RSPO3: variants seen among roughly 807,000 people sequenced by gnomAD.
RSPO3 encodes the protein R-spondin 3.
A neutral mutation model predicts 36.5 loss-of-function variants in RSPO3; 17 were observed. The ratio of observed to expected loss-of-function variants is 0.47; its 90% CI spans 0.32 to 0.70. RSPO3 has a LOEUF of 0.70. RSPO3 is among the 30% of genes least tolerant of loss of function. The probability of loss-of-function intolerance (pLI) is 0.04; values close to 1 mark genes in which losing one functional copy is unlikely to be tolerated. For synonymous variants in RSPO3, 108 were observed against 107.0 expected (o/e 1.01, Z -0.06); for missense variants, 294 against 322.5 (o/e 0.91, Z 0.68).
At chr6:127,121,128 G>GAGCC in intron 1 of RSPO3, among the ~76,000 whole-genome samples, 1 of 152,328 alleles carries the variant, frequency 6.6e-6, no homozygotes, top group East Asian at 1.9e-4. Context: ...CCCGGGCTGG[G>GAGCC]AGCCACACAC....
chr6:127,157,494 T>G (rs550899279), intron 4 of RSPO3, among the ~76,000 whole-genome samples: 1 of 152,156 alleles, frequency 6.6e-6, no homozygotes, highest in African/African-American at 2.4e-5. Flanking sequence ...TAGAAAGAGA[T>G]AAAATAAACA....
intron 4 of RSPO3, among the ~76,000 whole-genome samples, chr6:127,170,593 T>C (rs1487478930): frequency 6.6e-6 from 1 of 151,804 alleles, no homozygotes; most frequent in Non-Finnish European, 1.5e-5. Context: ...AGCAGCATTA[T>C]TTACAATAGC....
chr6:127,152,329 A>G (rs1005668270), intron 3 of RSPO3, among the ~76,000 whole-genome samples: 2 of 152,146 alleles, frequency 1.3e-5, no homozygotes, highest in African/African-American at 4.8e-5. Flanking sequence ...TGTTTGCTCA[A>G]TAAGAGATGT....
chr6:127,194,082 G>T (rs968847982), intron 4 of RSPO3, among the ~76,000 whole-genome samples: 2 of 152,122 alleles, frequency 1.3e-5, no homozygotes, highest in Admixed American at 1.3e-4. Context: ...TATAAATACA[G>T]TCTCATGACA....
chr6:127,159,407 G>T (rs1385542696), intron 4 of RSPO3, among the ~76,000 whole-genome samples: 1 of 152,084 alleles, frequency 6.6e-6, no homozygotes, highest in Non-Finnish European at 1.5e-5. Context: ...TGAGGTGGAG[G>T]TCTATCTTCC....
rs73771620 is a variant in RSPO3 at position 127,187,284 on chromosome 6, T to C, written c.635-8539T>C. ...GCTTTAATGGTCTTTGAAATATTAGTGTTAGGACGCCCCACTGACTAAATT... is the reference window on the plus strand; with the variant it reads ...GCTTTAATGGTCTTTGAAATATTAGCGTTAGGACGCCCCACTGACTAAATT... On this transcript the variant is annotated intron_variant, in intron 4 of 4. Coordinates refer to ENST00000356698, the MANE Select transcript of RSPO3 (RefSeq NM_032784.5). Among the ~76,000 whole-genome samples, 827 of 152,246 alleles carry C rather than the reference T, an allele frequency of 5.4e-3. 6 individuals are homozygous for C. The highest frequency in any genetic ancestry group is 0.018 in the African/African-American group (751 of 41,552).
intron 4 of RSPO3, among the ~76,000 whole-genome samples, chr6:127,159,529 A>C (rs1774662768): frequency 6.6e-6 from 1 of 152,058 alleles, no homozygotes; most frequent in Admixed American, 6.6e-5. Context: ...CAAATGTGGG[A>C]ATCATTGTAT....
chr6:127,122,003 T>C (rs1316117027), intron 1 of RSPO3, among the ~76,000 whole-genome samples: 2 of 152,180 alleles, frequency 1.3e-5, no homozygotes, highest in Admixed American at 6.5e-5. Context: ...CTACAAAAAA[T>C]TTAATGGTCT....
chr6:127,137,290 C>T (rs1462018901), intron 1 of RSPO3, among the ~76,000 whole-genome samples: 1 of 152,084 alleles, frequency 6.6e-6, no homozygotes, highest in Non-Finnish European at 1.5e-5. Context: ...ACTTGGGAGG[C>T]TGAGGCAGGC....
intron 1 of RSPO3, among the ~76,000 whole-genome samples, chr6:127,145,805 G>C (rs981306868): frequency 6.6e-6 from 1 of 152,086 alleles, no homozygotes; most frequent in Non-Finnish European, 1.5e-5. Context: ...ATATTGAATG[G>C]GGAATAAAAA....
At chr6:127,195,633 C>A (rs59094281) in intron 4 of RSPO3, among the ~76,000 whole-genome samples, 190 bp from the exon 5 acceptor site, 1 of 152,080 alleles carries the variant, frequency 6.6e-6, no homozygotes, top group South Asian at 2.1e-4. Flanking sequence ...ATATCATATA[C>A]GTGTTTCACA....
Position 127,155,400 on chromosome 6 carries a change from G to T in RSPO3, c.596G>T (p.Cys199Phe). 1 of 1,613,740 alleles carries T rather than the reference G, an allele frequency of 6.2e-7. No homozygotes were observed. The highest frequency in any genetic ancestry group is 8.5e-7 in the Non-Finnish European group (1 of 1,179,792). ...CCCCCAACAAATGAGACAAGAAAGT[G>T]TACAGTGCAAAGGAAGAAGTGTCAG... Reference protein sequence around the residue: ...LCPPTNETRKCTVQRKKCQKG... With the variant: ...LCPPTNETRKFTVQRKKCQKG... Residue 199 changes from cysteine to phenylalanine, a missense_variant, in exon 4 of 5, where the codon TGT becomes TTT. Coordinates refer to ENST00000356698, the MANE Select transcript of RSPO3 (RefSeq NM_032784.5).
chr6:127,194,979 C>T (rs1408589006), intron 4 of RSPO3, among the ~76,000 whole-genome samples: 1 of 152,172 alleles, frequency 6.6e-6, no homozygotes, highest in East Asian at 1.9e-4. Flanking sequence ...TTAATTTCAA[C>T]ATACAAATAT....
intron 4 of RSPO3, among the ~76,000 whole-genome samples, chr6:127,189,701 C>T (rs746614387): frequency 2.0e-5 from 3 of 152,030 alleles, no homozygotes; most frequent in Non-Finnish European, 4.4e-5. Flanking sequence ...AAAGTAATAT[C>T]CCAAATTAAT....
intron 4 of RSPO3, among the ~76,000 whole-genome samples, chr6:127,166,937 T>A (rs1295479503): frequency 6.6e-6 from 1 of 152,012 alleles, no homozygotes; most frequent in Non-Finnish European, 1.5e-5. Flanking sequence ...CCTATTTATA[T>A]GTTTTATCCA....
intron 4 of RSPO3, among the ~76,000 whole-genome samples, chr6:127,169,563 C>T (rs984170352): frequency 9.9e-5 from 15 of 151,832 alleles, no homozygotes; most frequent in Admixed American, 6.6e-5. Context: ...CAGAATAAGT[C>T]AAAAAGTACC....
chr6:127,145,139 C>T (rs1774356984), intron 1 of RSPO3, among the ~76,000 whole-genome samples: 1 of 152,104 alleles, frequency 6.6e-6, no homozygotes, highest in Non-Finnish European at 1.5e-5. Context: ...TTTTACTCCC[C>T]TGGTAGCCCC....
At chr6:127,150,771 T>C (rs1774476792) in intron 3 of RSPO3, among the ~76,000 whole-genome samples, 199 bp downstream of exon 3, 1 of 150,522 alleles carries the variant, frequency 6.6e-6, no homozygotes, top group African/African-American at 2.4e-5. Flanking sequence ...TACAATTTAA[T>C]ACAGTAGGTG....
chr6:127,198,862 G>A lies in RSPO3; in HGVS notation c.*2855G>A, dbSNP rs572820658. ...TCCCTGAGTCCTCATTAGTGACTGC[G>A]TCCTTTGGAAGTTATCCCAACCCTG... On this transcript the variant is annotated 3_prime_UTR_variant, in exon 5 of 5. Coordinates refer to ENST00000356698, the MANE Select transcript of RSPO3 (RefSeq NM_032784.5). 2.1e-4 allele frequency among the ~76,000 whole-genome samples: 32 copies of A among 152,266 alleles called. 1 individual carries two copies. Among genetic ancestry groups the A allele is most frequent in the African/African-American group, 5.1e-4 (21 of 41,558 alleles).
Sources: gnomAD v4.1 joint callset for allele counts (sites outside exome capture counted in the v4.1 genomes callset) on GRCh38, gnomAD v4.1.1 for gene constraint, MANE v1.5 for transcripts, NCBI Gene and HGNC (gene_info 2026-07-23, HGNC 2026-07-21) for gene names.